SLC19A1: variants seen among roughly 807,000 people sequenced by gnomAD.
SLC19A1 encodes the protein reduced folate transporter.
A neutral mutation model predicts 35.3 loss-of-function variants in SLC19A1; 37 were observed. That is an observed-to-expected ratio of 1.05 (90% CI 0.81 to 1.38). The LOEUF is 1.38. Among genes scored for constraint, SLC19A1 ranks in the 40% most tolerant of loss-of-function variants. SLC19A1 has a pLI of 0.00. For synonymous variants in SLC19A1, 460 were observed against 398.5 expected, an observed-to-expected ratio of 1.15 and a Z score of -1.84; for missense variants, 831 against 826.9, an observed-to-expected ratio of 1.00 and a Z score of -0.06.
chr21:45,528,936 G>A (rs1463801876), intron 4 of SLC19A1, among the ~76,000 whole-genome samples: 2 of 152,316 alleles, frequency 1.3e-5, no homozygotes, highest in East Asian at 1.9e-4. Flanking sequence ...ATTTTTTTGC[G>A]ATGGGCATCA....
intron 5 of SLC19A1, among the ~76,000 whole-genome samples, chr21:45,516,608 G>A (rs544095535): frequency 1.6e-3 from 248 of 152,358 alleles, no homozygotes; most frequent in African/African-American, 5.8e-3. Flanking sequence ...TGCACATGGA[G>A]CCCGTCTCCA....
At position 45,503,634 on chromosome 21, in the gene SLC19A1, T is replaced by G. The variant is rs911166223; in HGVS notation, c.498-5022A>C. ...GGGAACATCACACTCTGGGGACTGTTGTGGGGTGGGGGGAGGGGGGAGGGA... is the reference window on the plus strand; with the variant it reads ...GGGAACATCACACTCTGGGGACTGTGGTGGGGTGGGGGGAGGGGGGAGGGA... On this transcript the variant is annotated intron_variant, in intron 3 of 4. Transcript: ENST00000417954. 8.2e-3 allele frequency among the ~76,000 whole-genome samples: 738 copies of G among 90,350 alleles called. 4 individuals carry two copies. The highest frequency in any genetic ancestry group is 0.047 in the South Asian group (109 of 2,322). 59.3% of individuals were successfully genotyped at this position (90,350 alleles called of 152,430 possible). A position where few individuals can be genotyped will look rare whatever the true frequency, so the allele number is the denominator to read the frequency against.
chr21:45,547,992 G>A (rs149186728), upstream of SLC19A1, among the ~76,000 whole-genome samples: 51 of 152,310 alleles, frequency 3.3e-4, no homozygotes, highest in African/African-American at 1.2e-3. Context: ...TGTTGATTCA[G>A]AATTGAGATG....
chr21:45,558,189 A>G (rs1277831031), intron 1 of SLC19A1, among the ~76,000 whole-genome samples: 1 of 152,184 alleles, frequency 6.6e-6, no homozygotes, highest in East Asian at 1.9e-4. Flanking sequence ...CGGACTCCAC[A>G]CGGCTGGTGA....
chr21:45,545,757 C>G (rs1292499425), upstream of SLC19A1, among the ~76,000 whole-genome samples: 1 of 152,222 alleles, frequency 6.6e-6, no homozygotes, highest in African/African-American at 2.4e-5. Flanking sequence ...TGCCATGCCC[C>G]AGCATGTGCA....
Position 45,504,188 on chromosome 21 carries a change from G to T in SLC19A1, c.498-5576C>A, listed in dbSNP as rs1029417910. 252 of 1,069,680 alleles carry T rather than the reference G, an allele frequency of 2.4e-4. 1 individual carries two copies. Among genetic ancestry groups the T allele is most frequent in the Middle Eastern group, 8.5e-4 (3 of 3,518 alleles). 66.3% of individuals were successfully genotyped at this position (1,069,680 alleles called of 1,614,324 possible). Reference sequence around the variant, plus strand: ...CCCTGCGAGGGGCGCTGGCTCCAGAGGGTGTCGAGGGCGTCCCTCAGGATG... The same window carrying T: ...CCCTGCGAGGGGCGCTGGCTCCAGATGGTGTCGAGGGCGTCCCTCAGGATG... On this transcript the variant is annotated intron_variant, in intron 3 of 4. Transcript: ENST00000417954.
chr21:45,531,599 C>T lies in SLC19A1; in HGVS notation c.739G>A (p.Gly247Arg), dbSNP rs758215658. The stretch of plus-strand genomic sequence containing the variant: ...AGCATCCGCGCCAGCACTGAGTCCC[C>T]ACAGGCCACCCGCAGGGCGTGTCCC... ...KLGHALRVAC[G>R]DSVLARMLRE... The change falls in exon 3 of 6, where the codon GGG becomes AGG. Residue 247 changes from glycine (G) to arginine (R), a missense_variant. By Grantham distance (125) the Gly-to-Arg change is moderately radical. Transcript: ENST00000311124. The T allele has an allele frequency of 2.5e-6, 4 of 1,612,304 alleles. No homozygotes were observed. The highest frequency in any genetic ancestry group is 3.4e-6 in the Non-Finnish European group (4 of 1,179,770).
At chr21:45,560,637 C>A (rs1256528764) in intron 1 of SLC19A1, among the ~76,000 whole-genome samples, 1 of 152,194 alleles carries the variant, frequency 6.6e-6, no homozygotes. Context: ...CACGGCGGGG[C>A]AGGGGAGCGG....
At chr21:45,535,652 C>T (rs903730552) in intron 2 of SLC19A1, among the ~76,000 whole-genome samples, 6 of 152,196 alleles carry the variant, frequency 3.9e-5, no homozygotes, top group Non-Finnish European at 5.9e-5. Flanking sequence ...AGTGCCAGCC[C>T]GGGCCAGCTG....
Position 45,531,919 on chromosome 21 carries a change from A to G in SLC19A1, c.419T>C (p.Ile140Thr). ...GCGCGCGGGCCGCACGAGAGAGAAGATGTAGGAGGAATAGGCGATGCGCGC... is the reference window on the plus strand; with the variant it reads ...GCGCGCGGGCCGCACGAGAGAGAAGGTGTAGGAGGAATAGGCGATGCGCGC... ...MAARIAYSSY[I>T]FSLVRPARYQ... is the part of the protein sequence containing the mutation. The change falls in exon 3 of 6, where the codon ATC (isoleucine) becomes ACC (threonine). Residue 140 changes from isoleucine (I) to threonine (T), a missense_variant. Ile to Thr is a moderately conservative substitution (Grantham distance 89, BLOSUM62 -1). Transcript: ENST00000311124. The G allele has an allele frequency of 6.3e-7, 1 of 1,597,752 alleles. No individual in the cohort carries two copies. Among genetic ancestry groups the G allele is most frequent in the Non-Finnish European group, 8.5e-7 (1 of 1,172,774 alleles).
chr21:45,524,093 C>T (rs2077521600), intron 5 of SLC19A1, among the ~76,000 whole-genome samples: 1 of 151,624 alleles, frequency 6.6e-6, no homozygotes. Context: ...GGAGGCTCAC[C>T]CGCCCTGAGC....
chr21:45,527,031 G>A (rs868000723), intron 4 of SLC19A1, among the ~76,000 whole-genome samples: 1 of 152,274 alleles, frequency 6.6e-6, no homozygotes. Flanking sequence ...AGAACCTCTG[G>A]GCACAGACAG....
At chr21:45,545,223 G>A (rs1411961664), upstream of SLC19A1, among the ~76,000 whole-genome samples, 1 of 152,210 alleles carries the variant, frequency 6.6e-6, no homozygotes, top group African/African-American at 2.4e-5. Context: ...GTTGGAATGT[G>A]ATTCCCAGTG....
intron 1 of SLC19A1, among the ~76,000 whole-genome samples, chr21:45,552,922 G>T (rs2078481124): frequency 6.6e-6 from 1 of 152,256 alleles, no homozygotes; most frequent in Non-Finnish European, 1.5e-5. Context: ...CTCTCGCCCA[G>T]AACAGGGCAC....
intron 1 of SLC19A1, among the ~76,000 whole-genome samples, chr21:45,558,470 G>A (rs759273072): frequency 2.0e-5 from 3 of 152,258 alleles, no homozygotes; most frequent in Non-Finnish European, 4.4e-5. Context: ...GGTGCTGGCC[G>A]GCGAGCCTTG....
intron 1 of SLC19A1, among the ~76,000 whole-genome samples, chr21:45,549,770 G>A (rs1006444867): frequency 9.8e-5 from 12 of 122,510 alleles, no homozygotes; most frequent in African/African-American, 3.8e-4. Context: ...TGGTGGGGAG[G>A]GGGACACTTG....
rs375381177 is a variant in SLC19A1 at position 45,505,985 on chromosome 21, G to A, written c.498-7373C>T. On this transcript the variant is annotated intron_variant, in intron 3 of 4. Transcript: ENST00000417954. ...GGTCCAGGTGAGCGCTCTGTGTGAC[G>A]GGTTCTGGACCCGTGGAAGGGCCGA... is the stretch of plus-strand genomic sequence containing the variant. 6.9e-5 allele frequency: 111 copies of A among 1,612,908 alleles called. No homozygotes were observed. The Middle Eastern group carries it at 1.3e-3, about 19-fold the overall frequency.
intron 5 of SLC19A1, among the ~76,000 whole-genome samples, chr21:45,522,364 C>G (rs920673144): frequency 5.9e-5 from 9 of 152,236 alleles, no homozygotes; most frequent in African/African-American, 2.2e-4. Context: ...GACGCTGTGA[C>G]TGGATCTCTC....
At chr21:45,539,322 G>A (rs1476589091) in intron 1 of SLC19A1, among the ~76,000 whole-genome samples, 1 of 152,254 alleles carries the variant, frequency 6.6e-6, no homozygotes, top group Non-Finnish European at 1.5e-5. Context: ...AGGTGGGGTG[G>A]GGATGCAGCG....
Sources: allele counts gnomAD v4.1 joint callset (sites outside exome capture counted in the v4.1 genomes callset), GRCh38; gene constraint gnomAD v4.1.1; transcripts MANE v1.5; gene names NCBI Gene and HGNC (gene_info 2026-07-23, HGNC 2026-07-21).